Variants in TDRP observed in about 807,000 individuals in gnomAD.
The protein encoded by TDRP is testis development related protein.
A neutral mutation model predicts 10.5 loss-of-function variants in TDRP; 12 were observed. The ratio of observed to expected loss-of-function variants is 1.15; its 90% confidence interval spans 0.73 to 1.86. The LOEUF is 1.86. TDRP is among the 40% of genes most tolerant of loss of function. The probability of loss-of-function intolerance (pLI) is 0.00; values close to 1 mark genes in which losing one functional copy is unlikely to be tolerated. For synonymous variants in TDRP, 139 were observed against 95.4 expected, an observed-to-expected ratio of 1.46 and a Z score of -2.67; for missense variants, 353 against 229.2, an observed-to-expected ratio of 1.54 and a Z score of -3.49.
chr8:511,512 A>G (rs571694870), intron 1 of TDRP, among the ~76,000 whole-genome samples: 2 of 152,332 alleles, frequency 1.3e-5, no homozygotes, highest in East Asian at 3.9e-4. Context: ...GAAAAATCCA[A>G]TATTCACAGA....
intron 1 of TDRP, among the ~76,000 whole-genome samples, chr8:527,283 A>G (rs1802059393): frequency 6.6e-6 from 1 of 152,194 alleles, no homozygotes; most frequent in South Asian, 2.1e-4. Flanking sequence ...CAAAAATGAA[A>G]AGATATTTCA....
In TDRP at chr8:492,525, G is replaced by C. The variant is rs770856066; in HGVS notation, c.432C>G (p.Thr144=). Residue 144 remains threonine (T), a synonymous_variant, in exon 3 of 3, where the codon ACC becomes ACG. Transcript: ENST00000324079. ...CAGAGCTGGCCAGGCTGGTGTACTT[G>C]GTCGAGCCCTTGGCGTCATCCTCCC... is the stretch of plus-strand genomic sequence containing the variant. The part of the protein sequence containing the change: ...SGWEDDAKGS[T]KYTSLASSAN... 2.5e-5 allele frequency: 40 copies of C among 1,610,676 alleles called. 1 individual carries two copies. The highest frequency in any genetic ancestry group is 3.3e-5 in the South Asian group (3 of 90,666).
chr8:513,621 CTTCTA>C (rs1247887191), intron 1 of TDRP, among the ~76,000 whole-genome samples: 1 of 152,206 alleles, frequency 6.6e-6, no homozygotes. Flanking sequence ...ATTCTTGCCT[CTTCTA>C]TTCAACACCG....
chr8:501,075 G>A (rs1473181726), intron 1 of TDRP, among the ~76,000 whole-genome samples: 3 of 151,894 alleles, frequency 2.0e-5, no homozygotes, highest in Non-Finnish European at 4.4e-5. Flanking sequence ...CGTGATGGCG[G>A]GCGCCTGTAG....
At chr8:519,356 TA>T (rs1458115312) in intron 1 of TDRP, among the ~76,000 whole-genome samples, 1 of 152,154 alleles carries the variant, frequency 6.6e-6, no homozygotes, top group Non-Finnish European at 1.5e-5. Context: ...TGGAGTTCTG[TA>T]AACTATTGGA....
intron 1 of TDRP, among the ~76,000 whole-genome samples, chr8:501,065 C>T (rs1257066623): frequency 6.6e-6 from 1 of 151,886 alleles, no homozygotes; most frequent in African/African-American, 2.4e-5. Context: ...ATTAGCCGGG[C>T]GTGATGGCGG....
chr8:505,083 T>A lies in TDRP; in HGVS notation c.109-10486A>T, dbSNP rs113095253. Among the ~76,000 whole-genome samples, 437 of 152,364 alleles carry A rather than the reference T, an allele frequency of 2.9e-3. 4 individuals are homozygous for A. Among genetic ancestry groups the A allele is most frequent in the African/African-American group, 9.8e-3 (407 of 41,582 alleles). On this transcript the variant is annotated intron_variant, in intron 1 of 2. Coordinates refer to ENST00000324079, the MANE Select transcript of TDRP (RefSeq NM_001384899.1). Reference sequence around the variant, plus strand: ...TACACATAACCTTCAGATAATTTTGTATGCCTGATAAAAACAAACATTAAT... The same window carrying A: ...TACACATAACCTTCAGATAATTTTGAATGCCTGATAAAAACAAACATTAAT...
intron 1 of TDRP, among the ~76,000 whole-genome samples, chr8:508,058 T>C (rs535692321): frequency 1.2e-4 from 19 of 152,238 alleles, no homozygotes; most frequent in African/African-American, 4.3e-4. Context: ...GAAGAAGACT[T>C]CAAAGAACCA....
intron 2 of TDRP, among the ~76,000 whole-genome samples, chr8:493,209 C>A (rs540351713): frequency 1.3e-5 from 2 of 152,210 alleles, no homozygotes; most frequent in Middle Eastern, 3.2e-3. Context: ...GAATTCAGAA[C>A]ACCATCTACT....
intron 1 of TDRP, among the ~76,000 whole-genome samples, chr8:534,432 T>C (rs972030806): frequency 2.6e-5 from 4 of 152,196 alleles, no homozygotes; most frequent in Admixed American, 6.5e-5. Context: ...CTTTAATACC[T>C]GCTGTTGATT....
At chr8:523,032 G>C (rs1358527100) in intron 1 of TDRP, among the ~76,000 whole-genome samples, 1 of 152,114 alleles carries the variant, frequency 6.6e-6, no homozygotes, top group South Asian at 2.1e-4. Context: ...ATTACTGATA[G>C]GGTAGGACTT....
chr8:503,941 C>A (rs1801382078), intron 1 of TDRP, among the ~76,000 whole-genome samples: 2 of 142,868 alleles, frequency 1.4e-5, no homozygotes, highest in Admixed American at 1.4e-4. Context: ...CAGAGCCACA[C>A]AATGGAACCA....
In TDRP at chr8:544,662, G is replaced by T. The variant is rs894085737; in HGVS notation, c.96C>A (p.Ala32=). Residue 32 remains alanine, a synonymous_variant, in exon 1 of 3, where the codon GCC becomes GCA. Transcript: ENST00000324079. ...RGGPPPAAAA[A]AQAQVQGASF... is the part of the protein sequence containing the mutation. ...CGCACCCCCTCACCTGCGCCTGGGC[G>T]GCGGCGGCGGCGGCCGGTGGCGGCC... is the stretch of plus-strand genomic sequence containing the variant. 4.6e-6 allele frequency: 2 copies of T among 437,164 alleles called. No individual in the cohort carries two copies. The highest frequency in any genetic ancestry group is 1.9e-5 in the African/African-American group (1 of 52,364). The allele number at this position is 437,164 out of a possible 1,614,324, so 27.1% of individuals were successfully genotyped here.
chr8:524,968 T>C (rs148358369), intron 1 of TDRP, among the ~76,000 whole-genome samples: 17 of 152,218 alleles, frequency 1.1e-4, no homozygotes, highest in African/African-American at 3.4e-4. Context: ...AAGAAGATTA[T>C]AGAACACCAA....
chr8:531,978 A>G (rs1802211972), intron 1 of TDRP, among the ~76,000 whole-genome samples: 2 of 152,196 alleles, frequency 1.3e-5, no homozygotes, highest in Admixed American at 1.3e-4. Flanking sequence ...CCTGACTGTG[A>G]TACACTTTGC....
intron 1 of TDRP, among the ~76,000 whole-genome samples, chr8:500,994 C>A (rs13280133): frequency 6.6e-6 from 1 of 152,002 alleles, no homozygotes; most frequent in African/African-American, 2.4e-5. Context: ...ATCACAAGGT[C>A]AGGAGATCGA....
At chr8:544,200 T>A (rs1802574570) in intron 1 of TDRP, among the ~76,000 whole-genome samples, 1 of 152,104 alleles carries the variant, frequency 6.6e-6, no homozygotes, top group African/African-American at 2.4e-5. Flanking sequence ...GCCGTCCGGA[T>A]GCGCGATGAT....
At chr8:544,453 G>A (rs548524484) in intron 1 of TDRP, among the ~76,000 whole-genome samples, 197 bp downstream of exon 1, 1 of 152,082 alleles carries the variant, frequency 6.6e-6, no homozygotes, top group Admixed American at 6.5e-5. Context: ...AGCCCAGGAC[G>A]AGCCTCGGGT....
In TDRP at chr8:492,115, A is replaced by G. The variant is rs1800994041; in HGVS notation, c.*284T>C. On this transcript the variant is annotated 3_prime_UTR_variant, in exon 3 of 3. Coordinates refer to ENST00000324079, the MANE Select transcript of TDRP (RefSeq NM_001384899.1). The stretch of plus-strand genomic sequence containing the variant: ...AGAAACTGCAAATCATTACTGCTGT[A>G]TTATGGGAGAGCATCATAAATTCAC... 14 of 1,225,072 alleles carry G rather than the reference A, an allele frequency of 1.1e-5. No individual in the cohort carries two copies. The highest frequency in any genetic ancestry group is 1.0e-4 in the East Asian group (3 of 29,450). The allele number at this position is 1,225,072 out of a possible 1,614,324, so 75.9% of individuals were successfully genotyped here.
Sources: allele counts gnomAD v4.1 joint callset (sites outside exome capture counted in the v4.1 genomes callset), GRCh38; gene constraint gnomAD v4.1.1; transcripts MANE v1.5; gene names NCBI Gene and HGNC (gene_info 2026-07-23, HGNC 2026-07-21).